PPP1R3F: variants seen among roughly 807,000 people sequenced by gnomAD.
The protein encoded by PPP1R3F is protein phosphatase 1, regulatory (inhibitor) subunit 3F.
PPP1R3F carries 29 observed loss-of-function variants against 24.2 expected under a neutral mutation model. That is an observed-to-expected ratio of 1.20 (90% CI 0.89 to 1.63). The LOEUF (loss-of-function observed/expected upper bound fraction) is 1.63. PPP1R3F is among the 40% of genes most tolerant of loss of function. The probability of loss-of-function intolerance (pLI) is 0.00; values close to 1 mark genes in which losing one functional copy is unlikely to be tolerated. For missense variants in PPP1R3F, 823 were observed against 729.3 expected (o/e 1.13, Z -1.48); for synonymous variants, 363 against 340.1 (o/e 1.07, Z -0.74).
rs782421496 is a variant in PPP1R3F at position 49,278,101 on chromosome X, GT to G, written c.1005-3300del. Among the ~76,000 whole-genome samples the G allele has an allele frequency of 4.6e-3, 518 of 112,381 alleles. 1 individual carries two copies. The highest frequency in any genetic ancestry group is 0.016 in the African/African-American group (496 of 30,927). On this transcript the variant is annotated intron_variant, in intron 1 of 3. Coordinates refer to ENST00000055335, the MANE Select transcript of PPP1R3F (RefSeq NM_033215.5). ...GGGCTGAAGGATTGATTGTGTATTTGTTTTTCTTTCTCCTTCCTCCAACTGA... is the reference window on the plus strand; with the variant it reads ...GGGCTGAAGGATTGATTGTGTATTTGTTTTCTTTCTCCTTCCTCCAACTGA...
chrX:49,286,882 A>G lies in PPP1R3F; in HGVS notation c.2192A>G (p.Asp731Gly), dbSNP rs1557121727. 8.4e-7 allele frequency: 1 copy of G among 1,191,879 alleles called. No individual in the cohort carries two copies. The highest frequency in any genetic ancestry group is 1.7e-5 in the African/African-American group (1 of 57,391). Residue 731 changes from aspartate to glycine, a missense_variant, in exon 4 of 4, where the codon GAT becomes GGT. Physicochemically the swap from Asp to Gly is moderately conservative, Grantham distance 94. Coordinates refer to ENST00000055335, the MANE Select transcript of PPP1R3F (RefSeq NM_033215.5). ...CATGTGAGCTCCCAGGATGAAAAGG[A>G]TGCAGGCCCAAGCCTTGAACCCCCA... ...RPHVSSQDEK[D>G]AGPSLEPPKK...
rs782309159 is a variant in PPP1R3F, at chrX:49,285,055, T to A, written c.1144-779T>A. ...CATTTTATTTTTTTTAAAATTTTTT[T>A]AATTTTTAATTTTTGAGGGGACATA... On this transcript the variant is annotated intron_variant, in intron 3 of 3. Transcript: ENST00000055335. Among the ~76,000 whole-genome samples, 5 of 111,603 alleles carry A rather than the reference T, an allele frequency of 4.5e-5. No individual in the cohort carries two copies. The South Asian group carries it at 1.9e-3, about 41-fold the overall frequency.
At chrX:49,299,878 C>G (rs1186462613) in intron 3 of PPP1R3F, among the ~76,000 whole-genome samples, 1 of 112,072 alleles carries the variant, frequency 8.9e-6, no homozygotes, top group Non-Finnish European at 1.9e-5. Flanking sequence ...GCTTGAGCAT[C>G]CCAGGTCAAC....
In PPP1R3F at chrX:49,286,158, C is replaced by G; in HGVS notation, c.1468C>G (p.Gln490Glu). The change falls in exon 4 of 4, where the codon CAG (glutamine) becomes GAG (glutamate). Residue 490 changes from glutamine (Q) to glutamate (E), a missense_variant. By Grantham distance (29) the Gln-to-Glu change is conservative. Transcript: ENST00000055335. Reference protein sequence around the residue: ...GEDTIDQELEQLYLSHLSRLR... With the variant: ...GEDTIDQELEELYLSHLSRLR... ...GGACACCATCGACCAGGAGCTGGAG[C>G]AGCTCTACCTGTCTCACCTGAGCCG... is the stretch of plus-strand genomic sequence containing the variant. 8.4e-7 allele frequency: 1 copy of G among 1,185,891 alleles called. No homozygotes were observed. Among genetic ancestry groups the G allele is most frequent in the Admixed American group, 2.3e-5 (1 of 43,982 alleles).
rs370362519 is a variant in PPP1R3F, at chrX:49,270,723, T to G, written c.854T>G (p.Leu285Arg). ...CACGGCCGCAACTACACAGTCCTGCTCCGGATCGCACCCGCTCCCACACCC... is the reference window on the plus strand; with the variant it reads ...CACGGCCGCAACTACACAGTCCTGCGCCGGATCGCACCCGCTCCCACACCC... ...NNHGRNYTVL[L>R]RIAPAPTPTD... Residue 285 changes from leucine (L) to arginine (R), a missense_variant, in exon 1 of 4, where the codon CTC (leucine) becomes CGC (arginine). Physicochemically the swap from Leu to Arg is moderately radical, Grantham distance 102. Coordinates refer to ENST00000055335, the MANE Select transcript of PPP1R3F (RefSeq NM_033215.5). 8.3e-6 allele frequency: 10 copies of G among 1,205,307 alleles called. No homozygotes were observed. The highest frequency in any genetic ancestry group is 1.1e-5 in the Non-Finnish European group (10 of 892,791).
chrX:49,279,510 C>A (rs1305711253), intron 1 of PPP1R3F, among the ~76,000 whole-genome samples: 1 of 111,477 alleles, frequency 9.0e-6, no homozygotes. Flanking sequence ...ATGGCGAAAC[C>A]CCGTCTCTAT....
In PPP1R3F at chrX:49,270,685, C is replaced by T; in HGVS notation, c.816C>T (p.Phe272=). The change falls in exon 1 of 4, where the codon TTC becomes TTT. Residue 272 remains phenylalanine (F), a synonymous_variant. Transcript: ENST00000055335. ...VVRYETPEGT[F]WANNHGRNYT... ...GCTATGAGACCCCTGAGGGCACTTT[C>T]TGGGCCAACAACCACGGCCGCAACT... is the stretch of plus-strand genomic sequence containing the variant. 2.5e-6 allele frequency: 3 copies of T among 1,209,409 alleles called. No individual in the cohort carries two copies. Among genetic ancestry groups the T allele is most frequent in the South Asian group, 1.8e-5 (1 of 56,635 alleles).
At chrX:49,299,401 C>G (rs2066331461) in intron 3 of PPP1R3F, among the ~76,000 whole-genome samples, 1 of 111,754 alleles carries the variant, frequency 8.9e-6, no homozygotes, top group Non-Finnish European at 1.9e-5. Flanking sequence ...CAGAGGGGCA[C>G]CTGCCAGATG....
chrX:49,295,115 A>G (rs968393619), intron 3 of PPP1R3F, among the ~76,000 whole-genome samples: 2 of 110,333 alleles, frequency 1.8e-5, no homozygotes, highest in Non-Finnish European at 3.8e-5. Flanking sequence ...AGTATGGTAG[A>G]TTGCATTTAT....
chrX:49,293,801 G>T (rs1464550074), intron 3 of PPP1R3F, among the ~76,000 whole-genome samples: 1 of 111,905 alleles, frequency 8.9e-6, no homozygotes, highest in Non-Finnish European at 1.9e-5. Flanking sequence ...TTTGAGAGCA[G>T]CCTGAGCAAC....
intron 3 of PPP1R3F, among the ~76,000 whole-genome samples, chrX:49,283,310 G>GC (rs1557120948): frequency 9.2e-6 from 1 of 108,380 alleles, no homozygotes. Flanking sequence ...AGGCTGGAGT[G>GC]CAGTGGTGTG....
intron 3 of PPP1R3F, among the ~76,000 whole-genome samples, chrX:49,297,828 C>CTTTTTTTTTTTTTTTTTTTT (rs61353822): frequency 5.1e-5 from 1 of 19,598 alleles, no homozygotes. Context: ...GCAACCCCTG[C>CTTTTTTTTTTTTTTTTTTTT]TTTTTTTTTT....
At chrX:49,284,431 T>C (rs1282117918) in intron 3 of PPP1R3F, among the ~76,000 whole-genome samples, 1 of 109,513 alleles carries the variant, frequency 9.1e-6, no homozygotes, top group Non-Finnish European at 1.9e-5. Context: ...GTCTCTCTCT[T>C]TCTTTCTTTT....
At chrX:49,272,992 T>G (rs192663817) in intron 1 of PPP1R3F, 5 of 110,440 alleles carry the variant, frequency 4.5e-5, no homozygotes, top group Non-Finnish European at 1.9e-5. Flanking sequence ...AATTCTGGAT[T>G]TCACTCTTGG....
At chrX:49,296,355 G>C (rs1483492265) in intron 3 of PPP1R3F, among the ~76,000 whole-genome samples, 1 of 111,817 alleles carries the variant, frequency 8.9e-6, no homozygotes, top group Non-Finnish European at 1.9e-5. Context: ...TGTGGGATCA[G>C]TGCTGATATC....
intron 1 of PPP1R3F, among the ~76,000 whole-genome samples, chrX:49,278,867 T>A (rs1281379733): frequency 4.5e-5 from 5 of 112,326 alleles, no homozygotes; most frequent in Non-Finnish European, 9.4e-5. Flanking sequence ...CCTCCCTCTA[T>A]CTACTTCTAG....
chrX:49,285,699 G>C (rs1272453983), intron 3 of PPP1R3F, 135 bp from the exon 4 acceptor site: 1 of 607,748 alleles, frequency 1.6e-6, no homozygotes, highest in Non-Finnish European at 2.3e-6. Context: ...GGCGCTTTAA[G>C]GCATTTTTAT....
At position 49,270,758 on chromosome X, in the gene PPP1R3F, G is replaced by T; in HGVS notation, c.889G>T (p.Glu297Ter). 1 of 1,201,165 alleles carries T rather than the reference G, an allele frequency of 8.3e-7. No homozygotes were observed. The highest frequency in any genetic ancestry group is 1.1e-6 in the Non-Finnish European group (1 of 890,454). The change falls in exon 1 of 4, where the codon GAA (glutamate) becomes TAA (stop). Residue 297 changes from glutamate to a stop codon, truncating the protein, a stop_gained. Transcript: ENST00000055335. LOFTEE classifies it high-confidence loss of function. Reference sequence around the variant, plus strand: ...ACCCGCTCCCACACCCACTGATGCCGAAGGGCTGCCCCAGCAGCAGCAGCT... The same window carrying T: ...ACCCGCTCCCACACCCACTGATGCCTAAGGGCTGCCCCAGCAGCAGCAGCT... ...IAPAPTPTDAEGLPQQQQLPQ... is the reference protein window; with the variant it reads ...IAPAPTPTDA
intron 3 of PPP1R3F, among the ~76,000 whole-genome samples, chrX:49,284,472 C>T (rs1188136603): frequency 1.4e-5 from 1 of 73,105 alleles, no homozygotes; most frequent in African/African-American, 5.2e-5. Flanking sequence ...CCTTTCTTTC[C>T]TCTCTCTCTC....
Sources: gnomAD v4.1 joint callset for allele counts (sites outside exome capture counted in the v4.1 genomes callset) on GRCh38, gnomAD v4.1.1 for gene constraint, MANE v1.5 for transcripts, NCBI Gene and HGNC (gene_info 2026-07-23, HGNC 2026-07-21) for gene names.